MROH9: variants seen among roughly 807,000 people sequenced by gnomAD.
MROH9 encodes maestro heat like repeat family member 9.
Under a neutral mutation model 98.2 loss-of-function variants are expected in MROH9, and 92 were observed. That is an observed-to-expected ratio of 0.94 (90% confidence interval 0.79 to 1.11). The LOEUF (loss-of-function observed/expected upper bound fraction) is 1.11. Among genes scored for constraint, MROH9 ranks in the 50% most tolerant of loss-of-function variants. MROH9 has a pLI of 0.00. For missense variants in MROH9, 1,057 were observed against 1,014.8 expected (o/e 1.04, Z -0.57); for synonymous variants, 397 against 368.9 (o/e 1.08, Z -0.87).
At chr1:171,012,026 A>T (rs1340348582) in intron 15 of MROH9, among the ~76,000 whole-genome samples, 1 of 151,912 alleles carries the variant, frequency 6.6e-6, no homozygotes, top group Non-Finnish European at 1.5e-5. Context: ...TTTTAAGTAA[A>T]ATATTTAAAG....
intron 15 of MROH9, among the ~76,000 whole-genome samples, chr1:171,004,006 G>T (rs990674337): frequency 1.3e-5 from 2 of 152,028 alleles, no homozygotes; most frequent in East Asian, 3.9e-4. Context: ...AGTCATGCAG[G>T]TGGTCAGGGA....
chr1:170,999,325 T>TC (rs1287203878), intron 15 of MROH9, among the ~76,000 whole-genome samples: 24 of 152,178 alleles, frequency 1.6e-4, no homozygotes, highest in African/African-American at 5.8e-4. Flanking sequence ...CTCCCACTCT[T>TC]TCCCCCAAGT....
rs768611032 is a variant in MROH9 at position 170,965,119 on chromosome 1, T to C, written c.376-32T>C. Reference sequence around the variant, plus strand: ...AGGTTCTTGGAAAATGGAAATTTCATGGTTCTAGGATGACTTTTATGTTTC... The same window carrying C: ...AGGTTCTTGGAAAATGGAAATTTCACGGTTCTAGGATGACTTTTATGTTTC... On this transcript the variant is annotated intron_variant, in intron 6 of 21. Coordinates refer to ENST00000367759, the MANE Select transcript of MROH9 (RefSeq NM_001163629.2). 25 of 1,494,758 alleles carry C rather than the reference T, an allele frequency of 1.7e-5. No homozygotes were observed. In the Middle Eastern group the frequency reaches 1.8e-3, roughly 106 times the overall value. 92.6% of individuals were successfully genotyped at this position (1,494,758 alleles called of 1,614,324 possible).
At chr1:171,035,920 G>T (rs1164658118) in intron 20 of MROH9, among the ~76,000 whole-genome samples, 1 of 152,080 alleles carries the variant, frequency 6.6e-6, no homozygotes, top group Admixed American at 6.5e-5. Flanking sequence ...AAATCTCACA[G>T]AAATACATAC....
chr1:170,968,763 T>G (rs1259146680), intron 7 of MROH9, among the ~76,000 whole-genome samples: 1 of 151,486 alleles, frequency 6.6e-6, no homozygotes, highest in Non-Finnish European at 1.5e-5. Context: ...AAAGTAAAAA[T>G]AAAAATAATT....
chr1:170,997,668 A>T (rs955112119), intron 14 of MROH9, among the ~76,000 whole-genome samples: 1 of 152,136 alleles, frequency 6.6e-6, no homozygotes, highest in Non-Finnish European at 1.5e-5. Context: ...GAGGCTGTCC[A>T]CCACCCAAGT....
At chr1:171,060,809 C>T (rs750382681) in intron 20 of MROH9, among the ~76,000 whole-genome samples, 1 of 152,064 alleles carries the variant, frequency 6.6e-6, no homozygotes, top group Admixed American at 6.6e-5. Flanking sequence ...ATCTTTATGG[C>T]TTAAGACAAG....
At chr1:171,005,056 C>T (rs28862365) in intron 15 of MROH9, among the ~76,000 whole-genome samples, 36,077 of 151,460 alleles carry the variant, frequency 0.24, 5,156 homozygotes, top group African/African-American at 0.4. Context: ...TAAATCACTT[C>T]GGGTGGTATA....
intron 20 of MROH9, among the ~76,000 whole-genome samples, chr1:171,047,809 G>A (rs1359654099): frequency 1.3e-5 from 2 of 152,056 alleles, no homozygotes; most frequent in African/African-American, 4.8e-5. Flanking sequence ...TCTTGGGAAG[G>A]CTTTGCAGAG....
chr1:171,055,625 A>G (rs868465130), intron 20 of MROH9, among the ~76,000 whole-genome samples: 11,259 of 149,906 alleles, frequency 0.075, 410 homozygotes, highest in Middle Eastern at 0.19. Flanking sequence ...TCATAAAAAA[A>G]AAAAAAAAAA....
intron 6 of MROH9, among the ~76,000 whole-genome samples, chr1:170,963,429 C>T (rs1241622447): frequency 6.6e-6 from 1 of 152,140 alleles, no homozygotes; most frequent in Non-Finnish European, 1.5e-5. Flanking sequence ...GGTGATTCCT[C>T]GAAGACCTAA....
chr1:171,044,446 G>A (rs535237590), intron 20 of MROH9, among the ~76,000 whole-genome samples: 1 of 152,222 alleles, frequency 6.6e-6, no homozygotes, highest in African/African-American at 2.4e-5. Context: ...GTATTTGTCT[G>A]GTTTTGATAT....
chr1:171,038,207 A>T (rs1653172809), intron 20 of MROH9, among the ~76,000 whole-genome samples: 1 of 152,168 alleles, frequency 6.6e-6, no homozygotes, highest in Non-Finnish European at 1.5e-5. Context: ...CCATGAGAAA[A>T]AGTAACAATA....
chr1:170,990,345 T>C (rs1019118139), intron 11 of MROH9, among the ~76,000 whole-genome samples: 1 of 152,222 alleles, frequency 6.6e-6, no homozygotes, highest in Non-Finnish European at 1.5e-5. Flanking sequence ...TTTGTGAATT[T>C]ACTCATTTTT....
At chr1:170,971,091 TC>T (rs1650440851) in intron 7 of MROH9, among the ~76,000 whole-genome samples, 1 of 152,174 alleles carries the variant, frequency 6.6e-6, no homozygotes, top group Non-Finnish European at 1.5e-5. Flanking sequence ...CTTTTCTCTC[TC>T]TACTCCCTTC....
chr1:171,023,201 C>G (rs2101840621), intron 17 of MROH9, among the ~76,000 whole-genome samples: 1 of 152,214 alleles, frequency 6.6e-6, no homozygotes, highest in East Asian at 1.9e-4. Flanking sequence ...GCCTGGGCAA[C>G]AGAGTGAGAC....
At chr1:170,972,825 A>ATATAC (rs1491471283) in intron 8 of MROH9, among the ~76,000 whole-genome samples, 89 of 35,598 alleles carry the variant, frequency 2.5e-3, no homozygotes, top group Admixed American at 3.8e-3. Flanking sequence ...AAAAAAAAAA[A>ATATAC]AAATACACAC....
At chr1:171,028,716 G>A (rs1336832435) in intron 20 of MROH9, among the ~76,000 whole-genome samples, 1 of 152,136 alleles carries the variant, frequency 6.6e-6, no homozygotes, top group Admixed American at 6.5e-5. Context: ...GCAGTGGTTT[G>A]TAGTTCTCCT....
intron 3 of MROH9, among the ~76,000 whole-genome samples, chr1:170,949,668 GA>G (rs1291397548): frequency 6.6e-6 from 1 of 152,024 alleles, no homozygotes; most frequent in African/African-American, 2.4e-5. Context: ...GCACAGTGGG[GA>G]TCTTCCAGAA....
Sources: gnomAD v4.1 joint callset for allele counts (sites outside exome capture counted in the v4.1 genomes callset) on GRCh38, gnomAD v4.1.1 for gene constraint, MANE v1.5 for transcripts, NCBI Gene and HGNC (gene_info 2026-07-23, HGNC 2026-07-21) for gene names.